Variants in SLC14A2 observed in about 807,000 individuals in gnomAD.
SLC14A2 encodes urea transporter 2.
Under a neutral mutation model 104.6 loss-of-function variants are expected in SLC14A2, and 91 were observed. The ratio of observed to expected loss-of-function variants is 0.87; its 90% confidence interval spans 0.73 to 1.04. SLC14A2 has a LOEUF of 1.04. Ranked by LOEUF, SLC14A2 falls within the 50% of genes least tolerant of loss-of-function variation. The probability of loss-of-function intolerance (pLI) is 0.00; values close to 1 mark genes in which losing one functional copy is unlikely to be tolerated. For synonymous variants in SLC14A2, 476 were observed against 466.4 expected, an observed-to-expected ratio of 1.02 and a Z score of -0.27; for missense variants, 1,189 against 1,156.0, an observed-to-expected ratio of 1.03 and a Z score of -0.41.
In SLC14A2 at chr18:45,608,544, C is replaced by T. The variant is rs371030534; in HGVS notation, c.-34-16087C>T. Among the ~76,000 whole-genome samples, 44 of 152,318 alleles carry T rather than the reference C, an allele frequency of 2.9e-4. 3 individuals are homozygous for T. The highest frequency in any genetic ancestry group is 2.1e-3 in the East Asian group (11 of 5,182). On this transcript the variant is annotated intron_variant, in intron 2 of 20. Transcript: ENST00000586448. ...GTTTTGCTCATCAACACTCACCCTC[C>T]TTTTAGAAAACATATCTTCAGAGAT...
At chr18:45,259,155 G>T (rs1599620813) in intron 1 of SLC14A2, among the ~76,000 whole-genome samples, 1 of 152,214 alleles carries the variant, frequency 6.6e-6, no homozygotes. Flanking sequence ...GAAAACTTCA[G>T]TGGTACACTC....
At chr18:45,574,615 T>C (rs1192960914) in intron 2 of SLC14A2, among the ~76,000 whole-genome samples, 3 of 152,234 alleles carry the variant, frequency 2.0e-5, no homozygotes, top group Non-Finnish European at 4.4e-5. Flanking sequence ...AGGGCACAAG[T>C]ACATATGGAA....
At chr18:45,172,001 C>T in the SLC14A2 span, among the ~76,000 whole-genome samples, 1 of 152,132 alleles carries the variant, frequency 6.6e-6, no homozygotes, top group African/African-American at 2.4e-5. Context: ...TTATTTTCCA[C>T]AGACAATGAA....
At chr18:45,491,218 T>C (rs2144728272) in intron 2 of SLC14A2, among the ~76,000 whole-genome samples, 1 of 152,318 alleles carries the variant, frequency 6.6e-6, no homozygotes, top group Non-Finnish European at 1.5e-5. Context: ...TGTTCATCAA[T>C]AGAGCAATGG....
intron 10 of SLC14A2, among the ~76,000 whole-genome samples, chr18:45,656,377 G>A (rs1246179258): frequency 3.3e-5 from 5 of 152,230 alleles, no homozygotes; most frequent in Admixed American, 1.3e-4. Flanking sequence ...AAAGAAAAGG[G>A]TGAAGCTTGA....
At chr18:45,564,006 A>T (rs1014243102) in intron 2 of SLC14A2, among the ~76,000 whole-genome samples, 3 of 152,234 alleles carry the variant, frequency 2.0e-5, no homozygotes, top group Admixed American at 1.3e-4. Context: ...CCAGATTGTC[A>T]TCGATGCCCT....
chr18:45,658,205 T>C (rs2045874881), intron 10 of SLC14A2, among the ~76,000 whole-genome samples: 1 of 152,136 alleles, frequency 6.6e-6, no homozygotes, highest in African/African-American at 2.4e-5. Flanking sequence ...GATGGTAGCC[T>C]CTCATGCTCC....
the SLC14A2 span, among the ~76,000 whole-genome samples, chr18:45,201,063 T>C: frequency 7.2e-5 from 11 of 152,116 alleles, no homozygotes; most frequent in Admixed American, 3.9e-4. Flanking sequence ...TTTAGGATTA[T>C]GGGTGAGGTA....
the SLC14A2 span, among the ~76,000 whole-genome samples, chr18:45,172,840 C>T: frequency 1.3e-5 from 2 of 152,136 alleles, no homozygotes; most frequent in Non-Finnish European, 2.9e-5. Flanking sequence ...AAAACAGCTA[C>T]TAAAGATTAC....
intron 1 of SLC14A2, among the ~76,000 whole-genome samples, chr18:45,233,098 T>C (rs2084190583): frequency 6.6e-6 from 1 of 152,202 alleles, no homozygotes; most frequent in Non-Finnish European, 1.5e-5. Context: ...TTAGTTTCAC[T>C]CTAGGTAACA....
chr18:45,376,184 G>T (rs12970998), intron 1 of SLC14A2, among the ~76,000 whole-genome samples: 2,620 of 152,228 alleles, frequency 0.017, 45 homozygotes, highest in Middle Eastern at 0.027. Flanking sequence ...TCAATTAATA[G>T]CATCTCTTCC....
chr18:45,496,104 C>T (rs1381953364), intron 2 of SLC14A2, among the ~76,000 whole-genome samples: 3 of 152,122 alleles, frequency 2.0e-5, no homozygotes, highest in Non-Finnish European at 2.9e-5. Context: ...GAGATGATTC[C>T]CATTACCAAG....
At chr18:45,219,720 C>T (rs1451354782) in intron 1 of SLC14A2, among the ~76,000 whole-genome samples, 1 of 152,156 alleles carries the variant, frequency 6.6e-6, no homozygotes, top group African/African-American at 2.4e-5. Flanking sequence ...CGTTTTTAAA[C>T]TTTCCTAAGT....
intron 2 of SLC14A2, 53 bp downstream of exon 2, chr18:45,624,867 T>G: frequency 6.5e-7 from 1 of 1,547,698 alleles, no homozygotes; most frequent in Non-Finnish European, 8.8e-7. Flanking sequence ...ATGGGAAAAG[T>G]GGGGGCAAAA....
chr18:45,227,701 G>T (rs1296568953), intron 1 of SLC14A2, among the ~76,000 whole-genome samples: 1 of 152,156 alleles, frequency 6.6e-6, no homozygotes, highest in Non-Finnish European at 1.5e-5. Flanking sequence ...GTCTGGATCT[G>T]GGGTTAATGT....
intron 1 of SLC14A2, among the ~76,000 whole-genome samples, chr18:45,335,477 AAAGTG>A (rs36202212): frequency 1 from 152,246 of 152,278 alleles, 76,107 homozygotes; most frequent in Non-Finnish European, 1. Flanking sequence ...ATGAGAATGC[AAAGTG>A]AAGTGTTTTG....
At chr18:45,197,293 G>A in the SLC14A2 span, among the ~76,000 whole-genome samples, 2 of 152,162 alleles carry the variant, frequency 1.3e-5, no homozygotes, top group African/African-American at 4.8e-5. Context: ...CCTGTGGTAT[G>A]CAACATTAAC....
intron 1 of SLC14A2, among the ~76,000 whole-genome samples, chr18:45,415,182 T>C (rs2086263688): frequency 6.6e-6 from 1 of 152,116 alleles, no homozygotes; most frequent in Non-Finnish European, 1.5e-5. Flanking sequence ...TCGTGCAGGT[T>C]GCTGGAAGCC....
At chr18:45,535,219 A>C (rs1357766142) in intron 2 of SLC14A2, among the ~76,000 whole-genome samples, 4 of 152,192 alleles carry the variant, frequency 2.6e-5, no homozygotes. Flanking sequence ...GGAGCTTGTT[A>C]GCACTACATA....
Sources: allele counts gnomAD v4.1 joint callset (sites outside exome capture counted in the v4.1 genomes callset), GRCh38; gene constraint gnomAD v4.1.1; transcripts MANE v1.5; gene names NCBI Gene and HGNC (gene_info 2026-07-23, HGNC 2026-07-21).